The following PTPRR variants were observed in gnomAD, a reference collection of about 807,000 sequenced individuals.
PTPRR encodes the protein receptor-type tyrosine-protein phosphatase R.
Under a neutral mutation model 77.2 loss-of-function variants are expected in PTPRR, and 38 were observed. That is an observed-to-expected ratio of 0.49 (90% CI 0.38 to 0.65). The LOEUF is 0.65. PTPRR is among the 30% of genes least tolerant of loss of function. The pLI, the probability that PTPRR is intolerant of heterozygous loss-of-function variation, is 0.00. For synonymous variants in PTPRR, 299 were observed against 283.1 expected, an observed-to-expected ratio of 1.06 and a Z score of -0.57; for missense variants, 744 against 799.2, an observed-to-expected ratio of 0.93 and a Z score of 0.83.
At chr12:70,689,495 T>C (rs958013639) in intron 8 of PTPRR, among the ~76,000 whole-genome samples, 1 of 152,178 alleles carries the variant, frequency 6.6e-6, no homozygotes, top group Non-Finnish European at 1.5e-5. Flanking sequence ...TACCTTATCT[T>C]TTTCCTCCAA....
At chr12:70,790,774 G>A (rs138143837) in intron 2 of PTPRR, among the ~76,000 whole-genome samples, 170 of 152,116 alleles carry the variant, frequency 1.1e-3, no homozygotes, top group African/African-American at 3.9e-3. Flanking sequence ...CCCAGGAAGC[G>A]GAGGTTGCAG....
At chr12:70,813,816 G>T (rs922379855) in intron 2 of PTPRR, among the ~76,000 whole-genome samples, 2 of 152,184 alleles carry the variant, frequency 1.3e-5, no homozygotes, top group Admixed American at 6.5e-5. Context: ...GGAAAAGAGA[G>T]ACCTACATAG....
intron 5 of PTPRR, among the ~76,000 whole-genome samples, chr12:70,748,055 T>C (rs1890268790): frequency 6.6e-6 from 1 of 152,104 alleles, no homozygotes; most frequent in Non-Finnish European, 1.5e-5. Context: ...AGAGGCTAAC[T>C]ACCTTTACAA....
chr12:70,790,867 C>G (rs78632073), intron 2 of PTPRR, among the ~76,000 whole-genome samples: 2,820 of 151,996 alleles, frequency 0.019, 44 homozygotes, highest in Non-Finnish European at 0.029. Flanking sequence ...AAAACAAAAA[C>G]AAAAACAAAA....
chr12:70,847,880 T>C (rs980069475), intron 2 of PTPRR, among the ~76,000 whole-genome samples: 4 of 152,244 alleles, frequency 2.6e-5, no homozygotes, highest in Admixed American at 2.6e-4. Context: ...TTAAAAATAG[T>C]TGTAACATAT....
intron 12 of PTPRR, among the ~76,000 whole-genome samples, chr12:70,658,396 G>A (rs1045162323): frequency 2.6e-5 from 4 of 152,230 alleles, no homozygotes; most frequent in Admixed American, 2.0e-4. Flanking sequence ...TCTGTTGAAT[G>A]TGAGTGCAGA....
At chr12:70,654,487 A>T (rs1886507905) in intron 13 of PTPRR, among the ~76,000 whole-genome samples, 1 of 152,122 alleles carries the variant, frequency 6.6e-6, no homozygotes, top group Admixed American at 6.5e-5. Flanking sequence ...GTGGGCCATG[A>T]TCACGCCACT....
intron 10 of PTPRR, among the ~76,000 whole-genome samples, chr12:70,675,488 A>C (rs117275419): frequency 0.03 from 4,570 of 152,122 alleles, 96 homozygotes; most frequent in Non-Finnish European, 0.044. Context: ...ATGCATATTT[A>C]CCTAAAAGTC....
At chr12:70,649,140 C>T (rs1197098134) in intron 13 of PTPRR, among the ~76,000 whole-genome samples, 3 of 152,170 alleles carry the variant, frequency 2.0e-5, no homozygotes, top group Non-Finnish European at 4.4e-5. Flanking sequence ...AGATTTTTAA[C>T]TTGAGTAGAA....
chr12:70,811,759 G>A (rs1440258325), intron 2 of PTPRR, among the ~76,000 whole-genome samples: 1 of 152,164 alleles, frequency 6.6e-6, no homozygotes, highest in African/African-American at 2.4e-5. Context: ...CTACCAATGA[G>A]GAAGCAACAG....
intron 5 of PTPRR, among the ~76,000 whole-genome samples, chr12:70,750,519 A>G (rs996950874): frequency 2.0e-5 from 3 of 152,306 alleles, no homozygotes; most frequent in Middle Eastern, 3.4e-3. Flanking sequence ...AATCAAGCTT[A>G]TTATCAAAAT....
intron 5 of PTPRR, among the ~76,000 whole-genome samples, chr12:70,750,856 G>A (rs1212317952): frequency 6.6e-6 from 1 of 151,840 alleles, no homozygotes; most frequent in Non-Finnish European, 1.5e-5. Flanking sequence ...AGTCTCCTCA[G>A]TAGCTGGGAC....
intron 1 of PTPRR, 46 bp from the exon 2 acceptor site, chr12:70,893,023 T>G: frequency 6.4e-7 from 1 of 1,569,510 alleles, no homozygotes; most frequent in South Asian, 1.1e-5. Flanking sequence ...CCCTATTCAG[T>G]AAGAGAGGTA....
At chr12:70,786,291 T>C (rs1205058799) in intron 2 of PTPRR, among the ~76,000 whole-genome samples, 1 of 152,214 alleles carries the variant, frequency 6.6e-6, no homozygotes, top group African/African-American at 2.4e-5. Flanking sequence ...CGAAGAGGCT[T>C]TTAGGGATGC....
intron 12 of PTPRR, among the ~76,000 whole-genome samples, chr12:70,659,166 G>A (rs955332668): frequency 6.6e-6 from 1 of 152,026 alleles, no homozygotes; most frequent in Admixed American, 6.6e-5. Flanking sequence ...GCCTCCCAAA[G>A]TGCTAGGATT....
At chr12:70,907,746 GC>G (rs1248084137) in intron 1 of PTPRR, among the ~76,000 whole-genome samples, 1 of 152,186 alleles carries the variant, frequency 6.6e-6, no homozygotes, top group Non-Finnish European at 1.5e-5. Context: ...ATGTGTGCCA[GC>G]TGAGGTATAG....
At chr12:70,738,398 C>T (rs373139270) in intron 6 of PTPRR, among the ~76,000 whole-genome samples, 95 of 152,174 alleles carry the variant, frequency 6.2e-4, no homozygotes, top group African/African-American at 2.0e-3. Context: ...CAACTGATTA[C>T]TGAGAAATGA....
chr12:70,675,969 G>T (rs1362542627), intron 10 of PTPRR, among the ~76,000 whole-genome samples: 1 of 151,342 alleles, frequency 6.6e-6, no homozygotes, highest in African/African-American at 2.4e-5. Flanking sequence ...GATGTGTCTA[G>T]CTGTGATTTA....
At chr12:70,705,426 A>C (rs1361246096) in intron 6 of PTPRR, among the ~76,000 whole-genome samples, 1 of 152,066 alleles carries the variant, frequency 6.6e-6, no homozygotes, top group Non-Finnish European at 1.5e-5. Context: ...CAGACATGCT[A>C]CTTTTTTTGC....
Sources: gnomAD v4.1 joint callset for allele counts (sites outside exome capture counted in the v4.1 genomes callset) on GRCh38, gnomAD v4.1.1 for gene constraint, MANE v1.5 for transcripts, NCBI Gene and HGNC (gene_info 2026-07-23, HGNC 2026-07-21) for gene names.